Variants in RIGI observed in about 807,000 individuals in gnomAD.
RIGI encodes antiviral innate immune response receptor RIG-I.
the RIGI span, among the ~76,000 whole-genome samples, chr9:32,516,676 T>C: frequency 6.6e-6 from 1 of 152,198 alleles, no homozygotes. Flanking sequence ...ATTTGCAGGT[T>C]AAACCAGCCC....
At chr9:32,475,272 A>T in the RIGI span, among the ~76,000 whole-genome samples, 1 of 152,246 alleles carries the variant, frequency 6.6e-6, no homozygotes, top group Middle Eastern at 3.4e-3. Context: ...GTTCAGATTC[A>T]ATAAAATCCC....
chr9:32,514,800 T>C, the RIGI span, among the ~76,000 whole-genome samples: 1 of 152,212 alleles, frequency 6.6e-6, no homozygotes, highest in Non-Finnish European at 1.5e-5. Context: ...CAACTCTACA[T>C]GCCTAGTTTC....
chr9:32,505,022 CT>C, the RIGI span, among the ~76,000 whole-genome samples: 26,321 of 133,506 alleles, frequency 0.2, 3,122 homozygotes, highest in Non-Finnish European at 0.26. Flanking sequence ...AAATATATAT[CT>C]ATTATATACA....
chr9:32,470,671 C>G, the RIGI span, among the ~76,000 whole-genome samples: 1 of 152,128 alleles, frequency 6.6e-6, no homozygotes, highest in Non-Finnish European at 1.5e-5. Context: ...GTTAGGTAAC[C>G]TGCTTCTTCA....
chr9:32,501,128 A>G, the RIGI span, among the ~76,000 whole-genome samples: 1 of 151,824 alleles, frequency 6.6e-6, no homozygotes, highest in African/African-American at 2.4e-5. Flanking sequence ...TCACCAAGCC[A>G]CTCTTCCCAT....
chr9:32,492,660 G>C, the RIGI span: 5 of 1,136,524 alleles, frequency 4.4e-6, no homozygotes, highest in Non-Finnish European at 3.8e-6. Context: ...TTACAGCTCA[G>C]TGGGTCATAT....
the RIGI span, among the ~76,000 whole-genome samples, chr9:32,505,172 A>T: frequency 6.6e-6 from 1 of 150,700 alleles, no homozygotes; most frequent in Admixed American, 6.7e-5. Flanking sequence ...TAGGGAATAG[A>T]GAAAAACTTT....
the RIGI span, among the ~76,000 whole-genome samples, chr9:32,510,796 T>C: frequency 4.6e-5 from 7 of 152,024 alleles, no homozygotes; most frequent in African/African-American, 1.7e-4. Context: ...GACTGGCAAA[T>C]TGGATAAAGA....
At chr9:32,491,516 T>A in the RIGI span, 1 of 939,706 alleles carries the variant, frequency 1.1e-6, no homozygotes, top group Non-Finnish European at 1.5e-6. Context: ...CTAAGATTTT[T>A]AACTTCTATT....
chr9:32,485,267 A>G, the RIGI span: 1 of 1,596,050 alleles, frequency 6.3e-7, no homozygotes, highest in African/African-American at 1.4e-5. Context: ...CCGTGATTCC[A>G]CTTTCCTGAA....
chr9:32,464,464 A>G, the RIGI span, among the ~76,000 whole-genome samples: 2 of 151,996 alleles, frequency 1.3e-5, no homozygotes, highest in African/African-American at 4.8e-5. Flanking sequence ...ATCTCGGCTC[A>G]CTGCAAGCTC....
chr9:32,501,012 T>A, the RIGI span: 1 of 1,537,410 alleles, frequency 6.5e-7, no homozygotes, highest in Non-Finnish European at 8.8e-7. Context: ...CAGAAAAGGA[T>A]CACCAGACCT....
the RIGI span, among the ~76,000 whole-genome samples, chr9:32,517,554 T>C: frequency 6.6e-6 from 1 of 152,320 alleles, no homozygotes; most frequent in Admixed American, 6.5e-5. Context: ...AAAATAAAAA[T>C]AGAAATGTCT....
chr9:32,487,377 G>A, the RIGI span: 1 of 1,207,684 alleles, frequency 8.3e-7, no homozygotes, highest in Non-Finnish European at 1.2e-6. Context: ...TAAACAGAGA[G>A]AGGGTCAAAG....
the RIGI span, among the ~76,000 whole-genome samples, chr9:32,499,371 T>C: frequency 6.9e-6 from 1 of 144,138 alleles, no homozygotes; most frequent in Non-Finnish European, 1.5e-5. Flanking sequence ...AAACATGATG[T>C]AAGGAATACA....
At chr9:32,499,694 A>G in the RIGI span, among the ~76,000 whole-genome samples, 1 of 152,038 alleles carries the variant, frequency 6.6e-6, no homozygotes, top group Non-Finnish European at 1.5e-5. Context: ...GACGTCAGGT[A>G]ATCTGCCTGC....
At chr9:32,463,111 C>CA in the RIGI span, among the ~76,000 whole-genome samples, 1 of 151,948 alleles carries the variant, frequency 6.6e-6, no homozygotes, top group Admixed American at 6.6e-5. Flanking sequence ...GGCTCTGTCT[C>CA]AAAAAAATAA....
chr9:32,472,874 T>C, the RIGI span: 1 of 598,056 alleles, frequency 1.7e-6, no homozygotes, highest in Non-Finnish European at 2.4e-6. Context: ...AAACAGAATT[T>C]GAAATATATA....
At chr9:32,471,819 A>G in the RIGI span, among the ~76,000 whole-genome samples, 3 of 152,200 alleles carry the variant, frequency 2.0e-5, no homozygotes, top group Admixed American at 6.5e-5. Flanking sequence ...TTGAATCCCA[A>G]CCACAAAAAT....
Sources: allele counts gnomAD v4.1 joint callset (sites outside exome capture counted in the v4.1 genomes callset), GRCh38; gene constraint gnomAD v4.1.1; transcripts MANE v1.5; gene names NCBI Gene and HGNC (gene_info 2026-07-23, HGNC 2026-07-21).